Variants in CCNY observed in about 807,000 individuals in gnomAD.
CCNY encodes the protein cyclin Y.
Under a neutral mutation model 42.8 loss-of-function variants are expected in CCNY, and 19 were observed. That is an observed-to-expected ratio of 0.44 (90% CI 0.31 to 0.65). CCNY has a LOEUF of 0.65. CCNY is among the 30% of genes least tolerant of loss of function. CCNY has a pLI of 0.07. For missense variants in CCNY, 370 were observed against 437.3 expected (o/e 0.85, Z 1.37); for synonymous variants, 165 against 162.7 (o/e 1.01, Z -0.11).
intron 8 of CCNY, among the ~76,000 whole-genome samples, chr10:35,564,923 G>A (rs941514998): frequency 6.6e-6 from 1 of 152,208 alleles, no homozygotes; most frequent in Non-Finnish European, 1.5e-5. Context: ...GAGTTCAGCA[G>A]CCACATGCTG....
chr10:35,253,687 C>CCATT, intron 3 of CCNY, among the ~76,000 whole-genome samples: 1 of 151,958 alleles, frequency 6.6e-6, no homozygotes, highest in East Asian at 1.9e-4. Flanking sequence ...TCCATGTAGA[C>CCATT]CATTCATAGA....
At chr10:35,502,791 T>A (rs1194837293) in intron 3 of CCNY, among the ~76,000 whole-genome samples, 1 of 152,140 alleles carries the variant, frequency 6.6e-6, no homozygotes, top group Admixed American at 6.5e-5. Context: ...TATAAAAATT[T>A]GAGCGATTGG....
intron 1 of CCNY, among the ~76,000 whole-genome samples, chr10:35,379,752 T>C (rs943104365): frequency 2.0e-5 from 3 of 152,252 alleles, no homozygotes; most frequent in Non-Finnish European, 2.9e-5. Flanking sequence ...TTTCTTTTAC[T>C]GAGAATTCTC....
chr10:35,369,652 C>T (rs931380219), intron 1 of CCNY, among the ~76,000 whole-genome samples: 4 of 152,110 alleles, frequency 2.6e-5, no homozygotes, highest in Non-Finnish European at 5.9e-5. Flanking sequence ...TGTGCTGAGC[C>T]GGCCACTTAA....
chr10:35,501,932 C>G lies in CCNY; in HGVS notation c.264+397C>G, dbSNP rs111480339. On this transcript the variant is annotated intron_variant, in intron 3 of 9. Transcript: ENST00000374704. ...ACACATAGTTGTTTTCCATGAGGCTCTCTGTCTCCACACTTGACTCTTCCC... is the reference window on the plus strand; with the variant it reads ...ACACATAGTTGTTTTCCATGAGGCTGTCTGTCTCCACACTTGACTCTTCCC... Among the ~76,000 whole-genome samples, 514 of 152,304 alleles carry G rather than the reference C, an allele frequency of 3.4e-3. 4 individuals are homozygous for G. Among genetic ancestry groups the G allele is most frequent in the African/African-American group, 0.012 (484 of 41,578 alleles).
chr10:35,425,070 G>T (rs1247671481), intron 1 of CCNY, among the ~76,000 whole-genome samples: 1 of 152,160 alleles, frequency 6.6e-6, no homozygotes, highest in African/African-American at 2.4e-5. Flanking sequence ...TTCCACTTGT[G>T]CTGTGAGCAT....
intron 7 of CCNY, among the ~76,000 whole-genome samples, chr10:35,550,549 T>A (rs1025747055): frequency 2.0e-5 from 3 of 152,086 alleles, no homozygotes; most frequent in Admixed American, 1.3e-4. Context: ...GAATCCCCCA[T>A]GCCTGCTGCT....
At chr10:35,307,076 G>A (rs1039133456) in intron 3 of CCNY, among the ~76,000 whole-genome samples, 1 of 152,186 alleles carries the variant, frequency 6.6e-6, no homozygotes. Context: ...CTTCAGTGCT[G>A]CTGCTCACTA....
chr10:35,433,262 G>A (rs765712522), intron 1 of CCNY, among the ~76,000 whole-genome samples: 15 of 152,138 alleles, frequency 9.9e-5, no homozygotes, highest in Admixed American at 2.0e-4. Flanking sequence ...ATTGTAAAAC[G>A]TTTTGAATGA....
chr10:35,486,340 A>G (rs1839787518), intron 2 of CCNY, among the ~76,000 whole-genome samples: 1 of 152,242 alleles, frequency 6.6e-6, no homozygotes, highest in South Asian at 2.1e-4. Flanking sequence ...TTTTTTAAAC[A>G]GATGACTGTT....
intron 3 of CCNY, among the ~76,000 whole-genome samples, chr10:35,326,449 T>G (rs1326029502): frequency 6.6e-6 from 1 of 152,234 alleles, no homozygotes; most frequent in Non-Finnish European, 1.5e-5. Context: ...AGTGGCAGCA[T>G]AGCTAATATA....
At chr10:35,317,822 G>C (rs1835777974) in intron 3 of CCNY, among the ~76,000 whole-genome samples, 1 of 152,208 alleles carries the variant, frequency 6.6e-6, no homozygotes, top group South Asian at 2.1e-4. Flanking sequence ...GCACCGTTTG[G>C]AGGAAGCTAT....
chr10:35,322,626 T>G (rs916264367), intron 3 of CCNY, among the ~76,000 whole-genome samples: 4 of 152,086 alleles, frequency 2.6e-5, no homozygotes, highest in African/African-American at 9.7e-5. Flanking sequence ...CTGCCAAAGG[T>G]ATTGTATCTG....
chr10:35,397,262 T>C (rs568401862), intron 1 of CCNY, among the ~76,000 whole-genome samples: 1 of 152,356 alleles, frequency 6.6e-6, no homozygotes, highest in African/African-American at 2.4e-5. Context: ...GTGGTGTCTC[T>C]AGTGGTTCCT....
intron 1 of CCNY, among the ~76,000 whole-genome samples, chr10:35,403,551 C>T (rs911175924): frequency 3.9e-5 from 6 of 152,158 alleles, no homozygotes; most frequent in African/African-American, 1.4e-4. Context: ...CAGTGTATGA[C>T]TCCAGCTTCC....
rs180989195 is a variant in CCNY at position 35,301,710 on chromosome 10, A to C, written c.-9+51084A>C. 6.8e-3 allele frequency among the ~76,000 whole-genome samples: 1,033 copies of C among 152,014 alleles called. 11 individuals carry two copies. The highest frequency in any genetic ancestry group is 0.024 in the African/African-American group (986 of 41,474). On this transcript the variant is annotated intron_variant, in intron 3 of 11. Transcript: ENST00000374706. ...GTGGCATGATCACGGCTCACAGAAG[A>C]CTTGATCTCCCTGGGCGCAAGTGAT...
At chr10:35,528,762 G>T in intron 5 of CCNY, among the ~76,000 whole-genome samples, 1 of 152,118 alleles carries the variant, frequency 6.6e-6, no homozygotes, top group South Asian at 2.1e-4. Context: ...GCAAATGTAG[G>T]AATGAAAATT....
At chr10:35,369,637 AT>A (rs1030789922) in intron 1 of CCNY, among the ~76,000 whole-genome samples, 3 of 152,168 alleles carry the variant, frequency 2.0e-5, no homozygotes, top group African/African-American at 7.2e-5. Flanking sequence ...TAGGATTTTT[AT>A]TAGTGTGCTG....
At chr10:35,370,718 TA>T (rs1218233037) in intron 1 of CCNY, among the ~76,000 whole-genome samples, 6 of 151,760 alleles carry the variant, frequency 4.0e-5, no homozygotes, top group Admixed American at 2.0e-4. Context: ...AAAACTATTT[TA>T]TTTTATTTTT....
Sources: allele counts gnomAD v4.1 joint callset (sites outside exome capture counted in the v4.1 genomes callset), GRCh38; gene constraint gnomAD v4.1.1; transcripts MANE v1.5; gene names NCBI Gene and HGNC (gene_info 2026-07-23, HGNC 2026-07-21).